Variants in LARGE1 observed in about 807,000 individuals in gnomAD.
LARGE1 encodes xylosyl- and glucuronyltransferase LARGE1.
A neutral mutation model predicts 87.6 loss-of-function variants in LARGE1; 43 were observed. That is an observed-to-expected ratio of 0.49 (90% CI 0.38 to 0.63). The LOEUF is 0.63. LARGE1 is among the 30% of genes least tolerant of loss of function. The probability of loss-of-function intolerance (pLI) is 0.00; values close to 1 mark genes in which losing one functional copy is unlikely to be tolerated. For synonymous variants in LARGE1, 434 were observed against 394.6 expected, an observed-to-expected ratio of 1.10 and a Z score of -1.18; for missense variants, 802 against 1,000.2, an observed-to-expected ratio of 0.80 and a Z score of 2.67.
At chr22:33,419,668 G>T (rs903709783) in intron 7 of LARGE1, among the ~76,000 whole-genome samples, 4 of 151,556 alleles carry the variant, frequency 2.6e-5, no homozygotes, top group African/African-American at 9.7e-5. Flanking sequence ...ATGAATCTTT[G>T]TTTTTGTTGT....
intron 11 of LARGE1, among the ~76,000 whole-genome samples, chr22:33,170,919 T>C (rs1922536784): frequency 1.3e-5 from 2 of 152,256 alleles, no homozygotes; most frequent in South Asian, 4.1e-4. Context: ...GACAGGAAGA[T>C]GTGGGAAAGT....
chr22:33,458,232 A>AT (rs2068220412), intron 6 of LARGE1, among the ~76,000 whole-genome samples: 2 of 146,222 alleles, frequency 1.4e-5, no homozygotes, highest in Non-Finnish European at 3.0e-5. Flanking sequence ...TCAGCCTCCC[A>AT]GTAGCTGGGA....
At chr22:33,144,328 A>C in the LARGE1 span, among the ~76,000 whole-genome samples, 3 of 152,160 alleles carry the variant, frequency 2.0e-5, no homozygotes, top group Admixed American at 6.5e-5. Flanking sequence ...TCCCAAGACA[A>C]AATTTTATAG....
At chr22:33,232,532 G>A (rs914960656) in intron 11 of LARGE1, among the ~76,000 whole-genome samples, 3 of 152,210 alleles carry the variant, frequency 2.0e-5, no homozygotes, top group Admixed American at 2.0e-4. Flanking sequence ...ATCTGGCAGA[G>A]GATGGACTAA....
intron 11 of LARGE1, among the ~76,000 whole-genome samples, chr22:33,221,187 G>GA (rs57144818): frequency 0.022 from 3,378 of 152,098 alleles, 130 homozygotes; most frequent in African/African-American, 0.075. Context: ...GAGAGAGAGA[G>GA]GGAATAACAC....
At chr22:33,530,522 C>A (rs1039416094) in intron 6 of LARGE1, among the ~76,000 whole-genome samples, 1 of 136,028 alleles carries the variant, frequency 7.4e-6, no homozygotes, top group African/African-American at 2.8e-5. Context: ...TTTATATTTT[C>A]CTGGTAAGTT....
At chr22:33,463,332 A>C (rs954506498) in intron 6 of LARGE1, among the ~76,000 whole-genome samples, 1 of 152,208 alleles carries the variant, frequency 6.6e-6, no homozygotes, top group Admixed American at 6.5e-5. Flanking sequence ...TATTCAAAAT[A>C]GACAAAAAAC....
intron 9 of LARGE1, among the ~76,000 whole-genome samples, chr22:33,339,341 A>G (rs184855612): frequency 6.6e-6 from 1 of 151,552 alleles, no homozygotes; most frequent in Non-Finnish European, 1.5e-5. Flanking sequence ...GCTGGAGCAC[A>G]AGGGGCGGAA....
chr22:33,553,804 G>C (rs1310553049), intron 6 of LARGE1, among the ~76,000 whole-genome samples: 1 of 152,090 alleles, frequency 6.6e-6, no homozygotes, highest in African/African-American at 2.4e-5. Flanking sequence ...AAAGGGAGTG[G>C]GGAAAGAAAC....
chr22:33,230,909 A>T (rs1925974319), intron 11 of LARGE1, among the ~76,000 whole-genome samples: 1 of 152,248 alleles, frequency 6.6e-6, no homozygotes, highest in African/African-American at 2.4e-5. Flanking sequence ...GTTCAGACTT[A>T]GATTGACATT....
At chr22:33,419,908 G>T (rs901949429) in intron 7 of LARGE1, among the ~76,000 whole-genome samples, 2 of 152,058 alleles carry the variant, frequency 1.3e-5, no homozygotes, top group Non-Finnish European at 2.9e-5. Context: ...TGGCCAGGCT[G>T]GTCTCGAACT....
intron 4 of LARGE1, among the ~76,000 whole-genome samples, chr22:33,625,773 A>G (rs2079902234): frequency 6.6e-6 from 1 of 152,126 alleles, no homozygotes. Context: ...GACACCTGTC[A>G]TATTAGATTA....
chr22:33,531,687 T>G (rs1386568108), intron 6 of LARGE1, among the ~76,000 whole-genome samples: 1 of 152,210 alleles, frequency 6.6e-6, no homozygotes, highest in Non-Finnish European at 1.5e-5. Flanking sequence ...ATCCTTCACC[T>G]GGAGAAATGC....
At chr22:33,506,974 A>C (rs1379446633) in intron 6 of LARGE1, among the ~76,000 whole-genome samples, 3 of 152,324 alleles carry the variant, frequency 2.0e-5, no homozygotes, top group Admixed American at 6.5e-5. Flanking sequence ...CATGTCAGCT[A>C]TTTGGGAGAC....
At chr22:33,621,572 T>C (rs906790647) in intron 4 of LARGE1, among the ~76,000 whole-genome samples, 2 of 152,194 alleles carry the variant, frequency 1.3e-5, no homozygotes, top group Non-Finnish European at 2.9e-5. Flanking sequence ...TATTATTATA[T>C]TATTATTAAC....
chr22:33,371,535 C>T (rs1057376838), intron 9 of LARGE1, among the ~76,000 whole-genome samples: 2 of 152,112 alleles, frequency 1.3e-5, no homozygotes, highest in African/African-American at 4.8e-5. Context: ...ATTTTACTTT[C>T]AGGCTCTTAC....
chr22:33,384,127 G>T, intron 8 of LARGE1, 65 bp downstream of exon 8: 1 of 1,131,592 alleles, frequency 8.8e-7, no homozygotes, highest in Non-Finnish European at 1.4e-6. Flanking sequence ...TTAATTTTAA[G>T]TTTCTTTGAG....
chr22:33,675,753 C>T (rs540997810), intron 2 of LARGE1, among the ~76,000 whole-genome samples: 52 of 152,280 alleles, frequency 3.4e-4, no homozygotes, highest in African/African-American at 1.2e-3. Context: ...TCACAAAAGG[C>T]GTTTATGACC....
intron 2 of LARGE1, among the ~76,000 whole-genome samples, chr22:33,735,240 C>A (rs1443507920): frequency 6.6e-6 from 1 of 152,194 alleles, no homozygotes; most frequent in Non-Finnish European, 1.5e-5. Context: ...TGCCTTCCCA[C>A]AGTTGCTGCA....
Sources: gnomAD v4.1 joint callset for allele counts (sites outside exome capture counted in the v4.1 genomes callset) on GRCh38, gnomAD v4.1.1 for gene constraint, MANE v1.5 for transcripts, NCBI Gene and HGNC (gene_info 2026-07-23, HGNC 2026-07-21) for gene names.